Variants in RYR2 observed in about 807,000 individuals in gnomAD.
RYR2 encodes cardiac muscle ryanodine receptor-calcium release channel.
In RYR2, 227 loss-of-function variants were observed where a neutral mutation model predicts 601.1. The observed-to-expected ratio is 0.38, with a 90% CI of 0.34 to 0.42. The LOEUF is 0.42. Ranked by LOEUF, RYR2 falls within the 10% of genes least tolerant of loss-of-function variation. The pLI is 1.00. For synonymous variants in RYR2, 2,223 were observed against 2,175.1 expected, an observed-to-expected ratio of 1.02 and a Z score of -0.61; for missense variants, 4,646 against 6,156.5, an observed-to-expected ratio of 0.75 and a Z score of 8.21.
chr1:237,335,075 C>T (rs968879794), intron 3 of RYR2, among the ~76,000 whole-genome samples: 1 of 152,120 alleles, frequency 6.6e-6, no homozygotes, highest in Non-Finnish European at 1.5e-5. Context: ...TCTTCCTTCT[C>T]TGGGACATAG....
In RYR2 at chr1:237,793,923, T is replaced by C. The variant is rs1490217610; in HGVS notation, c.13839T>C (p.Asp4613=). ...AAGTGGCACGGAAATTGGAATTTGA[T>C]GGGCTTTATATTACAGAACAGCCTT... is the stretch of plus-strand genomic sequence containing the variant. ...EKEVARKLEF[D]GLYITEQPSE... is the part of the protein sequence containing the mutation. Residue 4613 remains aspartate (D), a synonymous_variant, in exon 95 of 105, where the codon GAT becomes GAC. Transcript: ENST00000366574. 3 of 1,612,146 alleles carry C rather than the reference T, an allele frequency of 1.9e-6. No homozygotes were observed. Among genetic ancestry groups the C allele is most frequent in the Non-Finnish European group, 2.5e-6 (3 of 1,178,324 alleles).
chr1:237,077,343 G>C (rs1665093853), intron 1 of RYR2, among the ~76,000 whole-genome samples: 1 of 102,902 alleles, frequency 9.7e-6, no homozygotes, highest in Non-Finnish European at 2.1e-5. Context: ...GTTGGATAAA[G>C]AGTCAAGACC....
At chr1:237,489,348 T>C (rs1446742593) in intron 17 of RYR2, among the ~76,000 whole-genome samples, 1 of 152,138 alleles carries the variant, frequency 6.6e-6, no homozygotes, top group Non-Finnish European at 1.5e-5. Context: ...CTCATACCAG[T>C]CACACTTGGC....
At chr1:237,392,675 AT>A in intron 10 of RYR2, among the ~76,000 whole-genome samples, 1 of 151,852 alleles carries the variant, frequency 6.6e-6, no homozygotes, top group Admixed American at 6.5e-5. Context: ...ACATAGACTT[AT>A]TTATGGATTT....
In RYR2 at chr1:237,458,731, A is replaced by C. The variant is rs1225497078; in HGVS notation, c.1612+1996A>C. Among the ~76,000 whole-genome samples the C allele has an allele frequency of 2.8e-5, 3 of 108,498 alleles. No homozygotes were observed. The Admixed American group carries it at 2.9e-4, about 11-fold the overall frequency. The allele number at this position is 108,498 out of a possible 152,430, so 71.2% of individuals were successfully genotyped here. On this transcript the variant is annotated intron_variant, in intron 16 of 104. Transcript: ENST00000366574. Reference sequence around the variant, plus strand: ...CCTAAGTATAGAAAGGAGATAATGCAAAAAAAGTTAAAAAAAAAAAGAAAA... The same window carrying C: ...CCTAAGTATAGAAAGGAGATAATGCCAAAAAAGTTAAAAAAAAAAAGAAAA...
intron 100 of RYR2, among the ~76,000 whole-genome samples, chr1:237,814,030 A>G (rs790887): frequency 0.34 from 51,852 of 152,058 alleles, 10,140 homozygotes; most frequent in East Asian, 0.61. Flanking sequence ...ATATCCCAGT[A>G]ATTGTCCCTA....
rs758086889 is a variant in RYR2, at chr1:237,627,829, T to C, written c.6189T>C (p.Ser2063=). ...KKSSTLQQLI[S]ETMVRWAQES... is the part of the protein sequence containing the mutation. ...CAGCCACTCTGCAGCAGCTGATTTC[T>C]GAGACCATGGTCCGATGGGCTCAGG... Residue 2063 remains serine (S), a synonymous_variant, in exon 41 of 105, where the codon TCT becomes TCC. Transcript: ENST00000366574. The C allele has an allele frequency of 1.9e-6, 3 of 1,605,670 alleles. No homozygotes were observed. The highest frequency in any genetic ancestry group is 2.6e-6 in the Non-Finnish European group (3 of 1,173,500).
intron 1 of RYR2, among the ~76,000 whole-genome samples, chr1:237,266,922 T>A (rs1274621749): frequency 6.6e-6 from 1 of 152,116 alleles, no homozygotes; most frequent in East Asian, 1.9e-4. Context: ...GGTGGTATAG[T>A]GGAGCTCTCC....
chr1:237,540,421 A>T (rs746867633), intron 25 of RYR2, among the ~76,000 whole-genome samples: 1 of 152,020 alleles, frequency 6.6e-6, no homozygotes, highest in Non-Finnish European at 1.5e-5. Context: ...TTAAAAGCCT[A>T]TTAGGGCTGA....
Position 237,590,914 on chromosome 1 carries a change from A to G in RYR2, c.4082A>G (p.Lys1361Arg). Reference protein sequence around the residue: ...HGHLVPDRVDKDKEATKPEFN... With the variant: ...HGHLVPDRVDRDKEATKPEFN... ...CATCTAGTGCCCGATCGTGTTGACA[A>G]AGACAAAGAAGCTACTAAACCAGAG... The change falls in exon 31 of 105, where the codon AAA (lysine) becomes AGA (arginine). Residue 1361 changes from lysine to arginine, a missense_variant. Physicochemically the swap from Lys to Arg is conservative, Grantham distance 26. This residue lies in a region of RYR2 where 1,807 missense variants were observed against 2,088.1 expected (regional missense o/e 0.87). Coordinates refer to ENST00000366574, the MANE Select transcript of RYR2 (RefSeq NM_001035.3). The G allele has an allele frequency of 6.2e-7, 1 of 1,613,840 alleles. No individual in the cohort carries two copies. The highest frequency in any genetic ancestry group is 8.5e-7 in the Non-Finnish European group (1 of 1,179,814).
rs1382791800 is a variant in RYR2 at position 237,709,404 on chromosome 1, TG to T, written c.10143-70del. Reference sequence around the variant, plus strand: ...GCTCTGTGGTCAGTACATTTAACTTTGGGGGGATGGTTTTTTTTTTTTAAAT... The same window carrying T: ...GCTCTGTGGTCAGTACATTTAACTTTGGGGGATGGTTTTTTTTTTTTAAAT... On this transcript the variant is annotated intron_variant, in intron 69 of 104. Coordinates refer to ENST00000366574, the MANE Select transcript of RYR2 (RefSeq NM_001035.3). 2.0e-5 allele frequency: 18 copies of T among 908,130 alleles called. No homozygotes were observed. The Admixed American group carries it at 4.0e-4, about 20-fold the overall frequency. The allele number at this position is 908,130 out of a possible 1,614,324, so 56.3% of individuals were successfully genotyped here.
chr1:237,118,674 G>A (rs1670409607), intron 1 of RYR2, among the ~76,000 whole-genome samples: 2 of 151,966 alleles, frequency 1.3e-5, no homozygotes, highest in Non-Finnish European at 2.9e-5. Context: ...GCATGATTTG[G>A]CTCACTGCAA....
chr1:237,496,556 G>T lies in RYR2; in HGVS notation c.2007G>T (p.Gln669His), dbSNP rs1181526549. The T allele has an allele frequency of 1.2e-6, 2 of 1,613,998 alleles. No homozygotes were observed. The highest frequency in any genetic ancestry group is 1.7e-6 in the Non-Finnish European group (2 of 1,179,892). ...TGGGCGTCAGTGAAGGTTCTGCTCA[G>T]TATAAGAAATGGTACTATGAATTGA... is the stretch of plus-strand genomic sequence containing the variant. ...IFLGVSEGSA[Q>H]YKKWYYELMV... Residue 669 changes from glutamine (Q) to histidine (H), a missense_variant, in exon 20 of 105, where the codon CAG (glutamine) becomes CAT (histidine). Gln to His is a conservative substitution (Grantham distance 24). This residue lies in a region of RYR2 where 1,807 missense variants were observed against 2,088.1 expected (regional missense o/e 0.87). Coordinates refer to ENST00000366574, the MANE Select transcript of RYR2 (RefSeq NM_001035.3).
chr1:237,818,050 T>TG (rs1026877618), intron 100 of RYR2, among the ~76,000 whole-genome samples: 3 of 152,112 alleles, frequency 2.0e-5, no homozygotes, highest in African/African-American at 7.2e-5. Context: ...GGAGGAGGTA[T>TG]GGGGAGAGCG....
intron 1 of RYR2, among the ~76,000 whole-genome samples, chr1:237,115,224 C>T (rs1437223725): frequency 7.6e-6 from 1 of 131,586 alleles, no homozygotes. Flanking sequence ...GCCACGCCTT[C>T]GTGGAAACCA....
intron 63 of RYR2, among the ~76,000 whole-genome samples, chr1:237,697,421 T>C (rs1405714612): frequency 1.4e-5 from 2 of 142,584 alleles, no homozygotes; most frequent in African/African-American, 2.6e-5. Context: ...AATTATATCA[T>C]ATATAATTAT....
chr1:237,127,877 C>T (rs1229763140), intron 1 of RYR2, among the ~76,000 whole-genome samples: 4 of 151,388 alleles, frequency 2.6e-5, no homozygotes, highest in Admixed American at 6.6e-5. Flanking sequence ...GGCGGCCGGG[C>T]GGAGACGCTC....
intron 17 of RYR2, among the ~76,000 whole-genome samples, chr1:237,480,129 G>T (rs1661871040): frequency 6.6e-6 from 1 of 152,032 alleles, no homozygotes; most frequent in East Asian, 1.9e-4. Context: ...AGCAAGATAG[G>T]CATATCTGGC....
At chr1:237,666,445 A>T in intron 56 of RYR2, 67 bp from the exon 57 acceptor site, 1 of 1,348,172 alleles carries the variant, frequency 7.4e-7, no homozygotes, top group Non-Finnish European at 1.0e-6. Flanking sequence ...ATATTTTTAA[A>T]GTATAAGTTA....
Sources: allele counts gnomAD v4.1 joint callset (sites outside exome capture counted in the v4.1 genomes callset), GRCh38; gene constraint gnomAD v4.1.1; regional missense constraint gnomAD v4.1.1; transcripts MANE v1.5; gene names NCBI Gene and HGNC (gene_info 2026-07-23, HGNC 2026-07-21).